Variants in SPG11 observed in about 807,000 individuals in gnomAD.
SPG11 encodes spatacsin.
In SPG11, 222 loss-of-function variants were observed where a neutral mutation model predicts 274.0. That is an observed-to-expected ratio of 0.81 (90% CI 0.73 to 0.91). The LOEUF is 0.91. SPG11 is among the 40% of genes least tolerant of loss of function. The pLI is 0.00. For missense variants in SPG11, 3,114 were observed against 2,872.7 expected, an observed-to-expected ratio of 1.08 and a Z score of -1.92; for synonymous variants, 1,144 against 1,039.7, an observed-to-expected ratio of 1.10 and a Z score of -1.93.
chr15:44,662,100 T>A (rs971533109), intron 1 of SPG11, among the ~76,000 whole-genome samples: 1 of 152,202 alleles, frequency 6.6e-6, no homozygotes, highest in Non-Finnish European at 1.5e-5. Flanking sequence ...TCATAGGTAC[T>A]TGATACTGCT....
intron 11 of SPG11, among the ~76,000 whole-genome samples, chr15:44,624,946 C>T (rs2083856470): frequency 6.6e-6 from 1 of 151,996 alleles, no homozygotes; most frequent in African/African-American, 2.4e-5. Flanking sequence ...ACCAGCCTGA[C>T]CAACATGGAG....
At position 44,577,024 on chromosome 15, in the gene SPG11, C is replaced by CA. The variant is rs1461449171; in HGVS notation, c.5867-1984dup. On this transcript the variant is annotated intron_variant, in intron 30 of 39. Transcript: ENST00000261866. ...TGTATTTTTAGTAGATATGAAGTTT[C>CA]ACCATGTTGGCCAGGCTGGTCTTGA... 9.9e-5 allele frequency among the ~76,000 whole-genome samples: 15 copies of CA among 152,154 alleles called. 1 individual carries two copies. Among genetic ancestry groups the CA allele is most frequent in the Admixed American group, 7.8e-4 (12 of 15,294 alleles).
rs529748787 is a variant in SPG11, at chr15:44,584,191, C to T, written c.5489G>A (p.Gly1830Asp). The T allele has an allele frequency of 6.6e-5, 107 of 1,614,112 alleles. No homozygotes were observed. Among genetic ancestry groups the T allele is most frequent in the Non-Finnish European group, 8.7e-5 (103 of 1,180,044 alleles). Reference sequence around the variant, plus strand: ...GGCTAAACTATCAAAGGAAAGTTCACCACTAGTTGAGATCTGTCGAGAAAA... The same window carrying T: ...GGCTAAACTATCAAAGGAAAGTTCATCACTAGTTGAGATCTGTCGAGAAAA... ...PRFSRQISTS[G>D]ELSFDSLASE... The change falls in exon 30 of 40, where the codon GGT becomes GAT. Residue 1830 changes from glycine to aspartate, a missense_variant. Gly to Asp is a moderately conservative substitution (Grantham distance 94). Transcript: ENST00000261866.
At chr15:44,590,129 T>C (rs578043880) in intron 27 of SPG11, among the ~76,000 whole-genome samples, 1 of 152,296 alleles carries the variant, frequency 6.6e-6, no homozygotes, top group East Asian at 1.9e-4. Context: ...TAAAGAGGGA[T>C]GTAGGCCTGC....
intron 8 of SPG11, 111 bp downstream of exon 8, chr15:44,633,394 G>T: frequency 6.4e-6 from 2 of 311,144 alleles, no homozygotes; most frequent in East Asian, 8.9e-5. Context: ...AAAATCCCAT[G>T]ACTAAGTTTT....
chr15:44,594,296 C>T (rs1330404360), intron 26 of SPG11, among the ~76,000 whole-genome samples: 1 of 151,556 alleles, frequency 6.6e-6, no homozygotes. Context: ...CGTGGTGGCA[C>T]GCGCCTGTAG....
intron 30 of SPG11, among the ~76,000 whole-genome samples, chr15:44,582,539 C>T (rs1220348315): frequency 6.6e-6 from 1 of 152,056 alleles, no homozygotes; most frequent in African/African-American, 2.4e-5. Flanking sequence ...CAGAGGGAGA[C>T]TCCATCTCAA....
Position 44,629,416 on chromosome 15 carries a change from A to G in SPG11, c.1736-28T>C, listed in dbSNP as rs747512996. ...GAGAAAGAACCAAAGAAATTAACAT[A>G]AAGAACACCAGGATACTCACAATAA... On this transcript the variant is annotated intron_variant, in intron 8 of 39. Transcript: ENST00000261866. 5.5e-5 allele frequency: 88 copies of G among 1,606,172 alleles called. 2 individuals carry two copies. In the South Asian group the frequency reaches 9.7e-4, roughly 18 times the overall value.
chr15:44,618,833 T>C (rs1026629546), intron 15 of SPG11, among the ~76,000 whole-genome samples: 5 of 151,782 alleles, frequency 3.3e-5, no homozygotes, highest in Non-Finnish European at 7.4e-5. Flanking sequence ...AAAAAAAAAT[T>C]AAGTTAACGG....
chr15:44,643,398 T>C (rs1157942287), intron 7 of SPG11, among the ~76,000 whole-genome samples: 2 of 152,152 alleles, frequency 1.3e-5, no homozygotes, highest in Non-Finnish European at 2.9e-5. Flanking sequence ...GAAGACTTAA[T>C]TATTTTTCTT....
In SPG11 at chr15:44,663,375, C is replaced by G. The variant is rs1322015947; in HGVS notation, c.257+16G>C. ...TCTGGACTCCCCCAACGGCCCAACT[C>G]TCCCTCAGCACTTACTGCCAGAAGG... On this transcript the variant is annotated intron_variant, in intron 1 of 39. Coordinates refer to ENST00000261866, the MANE Select transcript of SPG11 (RefSeq NM_025137.4). 6.2e-7 allele frequency: 1 copy of G among 1,604,430 alleles called. No individual in the cohort carries two copies. The highest frequency in any genetic ancestry group is 1.3e-5 in the African/African-American group (1 of 74,754).
At position 44,589,235 on chromosome 15, in the gene SPG11, T is replaced by C. The variant is rs946733645; in HGVS notation, c.4906+17A>G. The C allele has an allele frequency of 6.2e-6, 10 of 1,612,958 alleles. No individual in the cohort carries two copies. The highest frequency in any genetic ancestry group is 7.6e-6 in the Non-Finnish European group (9 of 1,179,822). On this transcript the variant is annotated intron_variant, in intron 28 of 39. Transcript: ENST00000261866. ...GCTAACTTCTTAATAGCAACTTAAC[T>C]GTAAGGATTGTCTTACCATCAGAGA... is the stretch of plus-strand genomic sequence containing the variant.
intron 4 of SPG11, among the ~76,000 whole-genome samples, chr15:44,655,624 T>TA (rs144803999): frequency 0.032 from 4,911 of 152,310 alleles, 288 homozygotes; most frequent in African/African-American, 0.11. Context: ...GAATATAGTG[T>TA]AATACATATA....
At chr15:44,597,730 G>T (rs79943555) in intron 23 of SPG11, among the ~76,000 whole-genome samples, 4 of 152,240 alleles carry the variant, frequency 2.6e-5, no homozygotes, top group Non-Finnish European at 4.4e-5. Context: ...CGTTCTCAGG[G>T]TCTGGAGTGG....
Position 44,657,246 on chromosome 15 carries a change from G to A in SPG11, c.718C>T (p.Leu240Phe), listed in dbSNP as rs760042049. Reference protein sequence around the residue: ...GTYVAHVDLALHKEDMCNEQQ... With the variant: ...GTYVAHVDLAFHKEDMCNEQQ... Reference sequence around the variant, plus strand: ...TCATTACACATGTCTTCTTTGTGAAGTGCTAAATCCACATGAGCTACATAT... The same window carrying A: ...TCATTACACATGTCTTCTTTGTGAAATGCTAAATCCACATGAGCTACATAT... The change falls in exon 4 of 40, where the codon CTT (leucine) becomes TTT (phenylalanine). Residue 240 changes from leucine (L) to phenylalanine (F), a missense_variant. Physicochemically the swap from Leu to Phe is conservative, Grantham distance 22. Coordinates refer to ENST00000261866, the MANE Select transcript of SPG11 (RefSeq NM_025137.4). 4 of 1,614,090 alleles carry A rather than the reference G, an allele frequency of 2.5e-6. No homozygotes were observed. In the East Asian group the frequency reaches 6.7e-5, roughly 27 times the overall value.
Position 44,573,724 on chromosome 15 carries a change from C to G in SPG11, c.6028G>C (p.Asp2010His), listed in dbSNP as rs1060501171. Reference protein sequence around the residue: ...LAKELGCSYTDVAAQDGEAML... With the variant: ...LAKELGCSYTHVAAQDGEAML... ...GCTTCACCATCCTGAGCAGCAACAT[C>G]TGTGTAGGAACAGCCCAACTCCTGA... Residue 2010 changes from aspartate to histidine, a missense_variant, in exon 32 of 40, where the codon GAT becomes CAT. By Grantham distance (81) the Asp-to-His change is moderately conservative (BLOSUM62 -1). Transcript: ENST00000261866. 1 of 1,614,220 alleles carries G rather than the reference C, an allele frequency of 6.2e-7. No homozygotes were observed. The highest frequency in any genetic ancestry group is 1.1e-5 in the South Asian group (1 of 91,084).
chr15:44,597,130 T>G (rs1443235248), intron 23 of SPG11, 187 bp from the exon 24 acceptor site: 5 of 538,914 alleles, frequency 9.3e-6, no homozygotes, highest in Non-Finnish European at 1.6e-5. Flanking sequence ...TTTTTTTTTT[T>G]GAGACAGAGT....
intron 35 of SPG11, 92 bp from the exon 36 acceptor site, chr15:44,567,684 A>C: frequency 7.3e-7 from 1 of 1,369,644 alleles, no homozygotes; most frequent in East Asian, 2.3e-5. Flanking sequence ...CATTCCTTAA[A>C]AACTCCCAAG....
At position 44,596,906 on chromosome 15, in the gene SPG11, C is replaced by A; in HGVS notation, c.4039G>T (p.Val1347Leu). The A allele has an allele frequency of 6.2e-7, 1 of 1,613,894 alleles. No homozygotes were observed. The highest frequency in any genetic ancestry group is 1.7e-5 in the Admixed American group (1 of 59,970). Residue 1347 changes from valine (V) to leucine (L), a missense_variant, in exon 24 of 40, where the codon GTG becomes TTG. Coordinates refer to ENST00000261866, the MANE Select transcript of SPG11 (RefSeq NM_025137.4). ...SESSSQWALV[V>L]QFCRLHNMKL... ...ATATTGTGTAGCCTGCAGAACTGCA[C>A]CACTAATGCCCATTGGCTGCTAGAT... is the stretch of plus-strand genomic sequence containing the variant.
Sources: allele counts gnomAD v4.1 joint callset (sites outside exome capture counted in the v4.1 genomes callset), GRCh38; gene constraint gnomAD v4.1.1; transcripts MANE v1.5; gene names NCBI Gene and HGNC (gene_info 2026-07-23, HGNC 2026-07-21).